SLC22A5: variants seen among roughly 807,000 people sequenced by gnomAD.
SLC22A5 encodes organic cation/carnitine transporter 2.
Under a neutral mutation model 56.7 loss-of-function variants are expected in SLC22A5, and 44 were observed. The observed-to-expected ratio is 0.78, with a 90% CI of 0.61 to 1.00. SLC22A5 has a LOEUF of 1.00. SLC22A5 is among the 50% of genes least tolerant of loss of function. The probability of loss-of-function intolerance (pLI) is 0.00; values close to 1 mark genes in which losing one functional copy is unlikely to be tolerated. For missense variants in SLC22A5, 675 were observed against 723.0 expected, an observed-to-expected ratio of 0.93 and a Z score of 0.76; for synonymous variants, 278 against 292.1, an observed-to-expected ratio of 0.95 and a Z score of 0.49.
chr5:132,388,599 C>T (rs1238486068), intron 5 of SLC22A5, among the ~76,000 whole-genome samples: 1 of 152,122 alleles, frequency 6.6e-6, no homozygotes, highest in East Asian at 1.9e-4. Context: ...ACTTAGAGGC[C>T]TCCTTGGAAT....
intron 5 of SLC22A5, chr5:132,387,734 C>T (rs1042011453): frequency 2.8e-5 from 5 of 180,484 alleles, no homozygotes; most frequent in East Asian, 1.4e-4. Flanking sequence ...CCACCCCTCC[C>T]GTCAGCCCTG....
chr5:132,382,969 C>T (rs1327467414), intron 2 of SLC22A5: 1 of 152,208 alleles, frequency 6.6e-6, no homozygotes, highest in East Asian at 1.9e-4. Context: ...TTGTGGCACT[C>T]TCTTTAAAAC....
At position 132,369,865 on chromosome 5, in the gene SLC22A5, C is replaced by G. The variant is rs1751813406; in HGVS notation, c.-108C>G. The G allele has an allele frequency of 6.9e-7, 1 of 1,448,316 alleles. No homozygotes were observed. Among genetic ancestry groups the G allele is most frequent in the African/African-American group, 1.4e-5 (1 of 71,100 alleles). The allele number at this position is 1,448,316 out of a possible 1,614,324, so 89.7% of individuals were successfully genotyped here. A position where few individuals can be genotyped will look rare whatever the true frequency, so the allele number is the denominator to read the frequency against. On this transcript the variant is annotated 5_prime_UTR_variant, in exon 1 of 10. Coordinates refer to ENST00000245407, the MANE Select transcript of SLC22A5 (RefSeq NM_003060.4). ...CTACCCTCCGCGGACGGTCTTGGGT[C>G]GCCTGCTGCCTGGCTTGCCTGGTCG... is the stretch of plus-strand genomic sequence containing the variant.
chr5:132,389,116 A>C, intron 6 of SLC22A5, 95 bp downstream of exon 6: 1 of 788,854 alleles, frequency 1.3e-6, no homozygotes, highest in Non-Finnish European at 2.3e-6. Context: ...ACAAAATTCA[A>C]AGCCTATGTC....
chr5:132,370,092 G>A lies in SLC22A5; in HGVS notation c.120G>A (p.Val40=). The change falls in exon 1 of 10, where the codon GTG becomes GTA. Residue 40 remains valine (V), a synonymous_variant. Transcript: ENST00000245407. Reference sequence around the variant, plus strand: ...ATGGCTTCACCGGCCTGTCCTCCGTGTTCCTGATAGCGACCCCGGAGCACC... The same window carrying A: ...ATGGCTTCACCGGCCTGTCCTCCGTATTCCTGATAGCGACCCCGGAGCACC... ...IPNGFTGLSS[V]FLIATPEHRC... 1 of 1,612,698 alleles carries A rather than the reference G, an allele frequency of 6.2e-7. No homozygotes were observed. Among genetic ancestry groups the A allele is most frequent in the African/African-American group, 1.3e-5 (1 of 75,044 alleles).
At chr5:132,388,676 G>A (rs1752608662) in intron 5 of SLC22A5, among the ~76,000 whole-genome samples, 1 of 152,092 alleles carries the variant, frequency 6.6e-6, no homozygotes, top group Non-Finnish European at 1.5e-5. Context: ...CTGTCTTCCT[G>A]TACCCTTGAG....
intron 1 of SLC22A5, 102 bp downstream of exon 1, chr5:132,370,467 AC>A: frequency 7.7e-7 from 1 of 1,299,452 alleles, no homozygotes; most frequent in Non-Finnish European, 1.1e-6. Context: ...GGACGCTGTC[AC>A]TCCCCCTCCC....
chr5:132,380,970 C>G (rs1046382948), intron 2 of SLC22A5: 1 of 152,072 alleles, frequency 6.6e-6, no homozygotes, highest in Non-Finnish European at 1.5e-5. Context: ...GAGGATTGTG[C>G]TATGCTTAGA....
At position 132,385,310 on chromosome 5, in the gene SLC22A5, C is replaced by A; in HGVS notation, c.653-18C>A. The A allele has an allele frequency of 6.2e-7, 1 of 1,611,614 alleles. No homozygotes were observed. Among genetic ancestry groups the A allele is most frequent in the Non-Finnish European group, 8.5e-7 (1 of 1,178,214 alleles). On this transcript the variant is annotated intron_variant, in intron 3 of 9. Coordinates refer to ENST00000245407, the MANE Select transcript of SLC22A5 (RefSeq NM_003060.4). ...ACCCAAATTAAACTGCTAACTCGAC[C>A]TCCCTTGTTTTGAACAGGGACAGAA... is the stretch of plus-strand genomic sequence containing the variant.
In SLC22A5 at chr5:132,392,537, G is replaced by A; in HGVS notation, c.1372G>A (p.Val458Met). Residue 458 changes from valine to methionine, a missense_variant, in exon 8 of 10, where the codon GTG (valine) becomes ATG (methionine). Val to Met is a conservative substitution (Grantham distance 21). Transcript: ENST00000245407. ...VYTAELYPTV[V>M]RNMGVGVSST... The stretch of plus-strand genomic sequence containing the variant: ...CACAGCCGAGCTGTATCCCACAGTG[G>A]TGAGAAACATGGGTGTGGGAGTCAG... The A allele has an allele frequency of 1.2e-6, 2 of 1,614,146 alleles. No homozygotes were observed. The highest frequency in any genetic ancestry group is 2.7e-5 in the African/African-American group (2 of 75,038).
At chr5:132,387,286 C>T in intron 5 of SLC22A5, 135 bp downstream of exon 5, 3 of 994,514 alleles carry the variant, frequency 3.0e-6, no homozygotes, top group Non-Finnish European at 4.7e-6. Flanking sequence ...CCCATTCCCC[C>T]CATCCCCCCA....
chr5:132,386,800 G>A (rs896797927), intron 4 of SLC22A5, among the ~76,000 whole-genome samples: 6 of 152,166 alleles, frequency 3.9e-5, no homozygotes, highest in Admixed American at 3.9e-4. Context: ...GCCGTCAGGG[G>A]GTGCAGGGCT....
At chr5:132,374,100 C>T (rs1752047362) in intron 1 of SLC22A5, among the ~76,000 whole-genome samples, 1 of 151,946 alleles carries the variant, frequency 6.6e-6, no homozygotes, top group Non-Finnish European at 1.5e-5. Context: ...CCTGTAATCC[C>T]AGCTACTCGG....
intron 7 of SLC22A5, among the ~76,000 whole-genome samples, chr5:132,391,245 A>G (rs763477197): frequency 9.2e-5 from 14 of 152,112 alleles, no homozygotes; most frequent in Admixed American, 2.6e-4. Context: ...TATTCAACAA[A>G]TAGCTATGGC....
At chr5:132,370,473 C>T in intron 1 of SLC22A5, 108 bp downstream of exon 1, 1 of 1,266,512 alleles carries the variant, frequency 7.9e-7, no homozygotes, top group Non-Finnish European at 1.1e-6. Flanking sequence ...TGTCACTCCC[C>T]CTCCCCCAAC....
chr5:132,387,753 C>G (rs1178285715), intron 5 of SLC22A5: 1 of 167,656 alleles, frequency 6.0e-6, no homozygotes, highest in Non-Finnish European at 1.3e-5. Context: ...TGTTCTCACA[C>G]ACCATGACTC....
At position 132,392,417 on chromosome 5, in the gene SLC22A5, T is replaced by A; in HGVS notation, c.1268-16T>A. ...GGTTGGTACCTACTCCTACCCTCTT[T>A]CCTTTGCTTCTCCAGACTTGTATTA... On this transcript the variant is annotated splice_polypyrimidine_tract_variant and intron_variant, in intron 7 of 9. Coordinates refer to ENST00000245407, the MANE Select transcript of SLC22A5 (RefSeq NM_003060.4). The A allele has an allele frequency of 6.2e-7, 1 of 1,613,650 alleles. No individual in the cohort carries two copies. Among genetic ancestry groups the A allele is most frequent in the East Asian group, 2.2e-5 (1 of 44,892 alleles).
chr5:132,384,063 G>C, intron 2 of SLC22A5, 84 bp from the exon 3 acceptor site: 3 of 1,367,640 alleles, frequency 2.2e-6, no homozygotes, highest in Non-Finnish European at 3.1e-6. Flanking sequence ...TTACTGGATG[G>C]ATCTTGAGAA....
rs60655352 is a variant in SLC22A5 at position 132,386,085 on chromosome 5, C to T, written c.824+586C>T. On this transcript the variant is annotated intron_variant, in intron 4 of 9. Coordinates refer to ENST00000245407, the MANE Select transcript of SLC22A5 (RefSeq NM_003060.4). ...TTCAGGGCATAGTGGGAGAGTAAGC[C>T]GCACATCATGGGGCCCAGTCATGAC... Among the ~76,000 whole-genome samples the T allele has an allele frequency of 1.1e-3, 161 of 152,288 alleles. 2 individuals are homozygous for T. The East Asian group carries it at 0.019, about 18-fold the overall frequency.
Sources: gnomAD v4.1 joint callset for allele counts (sites outside exome capture counted in the v4.1 genomes callset) on GRCh38, gnomAD v4.1.1 for gene constraint, MANE v1.5 for transcripts, NCBI Gene and HGNC (gene_info 2026-07-23, HGNC 2026-07-21) for gene names.